Variants in PLA2R1 observed in about 807,000 individuals in gnomAD.
The protein encoded by PLA2R1 is phospholipase A2 receptor 1, also known as secretory phospholipase A2 receptor.
Under a neutral mutation model 195.9 loss-of-function variants are expected in PLA2R1, and 158 were observed. The ratio of observed to expected loss-of-function variants is 0.81; its 90% CI spans 0.71 to 0.92. The LOEUF is 0.92. Among genes scored for constraint, PLA2R1 ranks in the 40% least tolerant of loss-of-function variants. The probability of loss-of-function intolerance (pLI) is 0.00; values close to 1 mark genes in which losing one functional copy is unlikely to be tolerated. For missense variants in PLA2R1, 1,626 were observed against 1,764.6 expected (o/e 0.92, Z 1.41); for synonymous variants, 586 against 598.2 (o/e 0.98, Z 0.30).
rs761366766 is a variant in PLA2R1, at chr2:160,022,875, A to T, written c.1100-16T>A. ...GCATCTTTTTCTTTTTAAACCAACAAAAAACAATGTCATTTTCCACAATTA... is the reference window on the plus strand; with the variant it reads ...GCATCTTTTTCTTTTTAAACCAACATAAAACAATGTCATTTTCCACAATTA... On this transcript the variant is annotated splice_polypyrimidine_tract_variant and intron_variant, in intron 6 of 29. Coordinates refer to ENST00000283243, the MANE Select transcript of PLA2R1 (RefSeq NM_007366.5). 1.3e-6 allele frequency: 2 copies of T among 1,529,724 alleles called. No individual in the cohort carries two copies. Among genetic ancestry groups the T allele is most frequent in the Admixed American group, 3.9e-5 (2 of 51,216 alleles). The allele number at this position is 1,529,724 out of a possible 1,614,324, so 94.8% of individuals were successfully genotyped here.
Position 160,016,125 on chromosome 2 carries a change from G to C in PLA2R1, c.1551+489C>G, listed in dbSNP as rs73004732. 1.7e-4 allele frequency among the ~76,000 whole-genome samples: 26 copies of C among 152,106 alleles called. No homozygotes were observed. In the South Asian group the frequency reaches 3.3e-3, roughly 19 times the overall value. On this transcript the variant is annotated intron_variant, in intron 9 of 29. Coordinates refer to ENST00000283243, the MANE Select transcript of PLA2R1 (RefSeq NM_007366.5). ...CTAAAAATACAAAAATTAGCCAGGC[G>C]TAGTGGCGCACGCCTGTAATCCCAG...
chr2:159,979,794 G>GT (rs769336671), intron 14 of PLA2R1, 36 bp downstream of exon 14: 10 of 1,264,750 alleles, frequency 7.9e-6, no homozygotes, highest in Non-Finnish European at 1.2e-5. Context: ...CACTTGTTTT[G>GT]AATCCATCCC....
chr2:159,969,243 TA>T lies in PLA2R1; in HGVS notation c.2764+12del. The T allele has an allele frequency of 7.2e-7, 1 of 1,387,134 alleles. No individual in the cohort carries two copies. Among genetic ancestry groups the T allele is most frequent in the Non-Finnish European group, 1.0e-6 (1 of 978,266 alleles). The allele number at this position is 1,387,134 out of a possible 1,614,324, so 85.9% of individuals were successfully genotyped here. ...TTTGTATTATAAACCCAAAAATGGG[TA>T]AGTAAAATAACCTGTTATAGAAGAA... On this transcript the variant is annotated intron_variant, in intron 19 of 29. Transcript: ENST00000283243.
chr2:159,942,017 A>G (rs747240564), intron 29 of PLA2R1, 25 bp from the exon 30 acceptor site: 3 of 1,599,096 alleles, frequency 1.9e-6, no homozygotes, highest in South Asian at 1.1e-5. Flanking sequence ...TTTTCTTAAA[A>G]AAAGAAAAAC....
At chr2:159,980,056 TATA>T (rs1689842722) in intron 13 of PLA2R1, 142 bp from the exon 14 acceptor site, 15 of 389,776 alleles carry the variant, frequency 3.8e-5, no homozygotes, top group Non-Finnish European at 6.0e-5. Context: ...AAACTTAAAG[TATA>T]ATAATAATAA....
chr2:159,976,747 A>T, intron 15 of PLA2R1, 27 bp from the exon 16 acceptor site: 1 of 1,595,438 alleles, frequency 6.3e-7, no homozygotes, highest in Non-Finnish European at 8.6e-7. Context: ...AATCACTTTG[A>T]CTGATCTTGC....
chr2:160,038,980 C>A (rs939791356), intron 3 of PLA2R1, among the ~76,000 whole-genome samples: 1 of 152,086 alleles, frequency 6.6e-6, no homozygotes, highest in South Asian at 2.1e-4. Flanking sequence ...GATTCTTCTG[C>A]CTTAGCCTCC....
intron 4 of PLA2R1, among the ~76,000 whole-genome samples, chr2:160,029,771 GA>G (rs1419844989): frequency 5.3e-5 from 8 of 152,094 alleles, no homozygotes; most frequent in Admixed American, 2.6e-4. Context: ...ATTTCGGGGG[GA>G]AAAAAACCAA....
At chr2:159,952,473 G>A (rs1038554687) in intron 23 of PLA2R1, among the ~76,000 whole-genome samples, 10 of 152,158 alleles carry the variant, frequency 6.6e-5, no homozygotes, top group African/African-American at 2.4e-4. Flanking sequence ...CAAAAACAAG[G>A]TAAGAGTTTT....
At position 159,941,846 on chromosome 2, in the gene PLA2R1, T is replaced by C; in HGVS notation, c.4324A>G (p.Thr1442Ala). ...TCTAAATATACTGTACTAAAGTTGG[T>C]TGCAGGATAGTAAGGATTCCGAAAC... ...AGFRNPYYPA[T>A]NFSTVYLEEN... The change falls in exon 30 of 30, where the codon ACC becomes GCC. Residue 1442 changes from threonine to alanine, a missense_variant. Thr to Ala is a moderately conservative substitution (Grantham distance 58). Transcript: ENST00000283243. 2 of 1,613,180 alleles carry C rather than the reference T, an allele frequency of 1.2e-6. No homozygotes were observed. Among genetic ancestry groups the C allele is most frequent in the Non-Finnish European group, 1.7e-6 (2 of 1,179,190 alleles).
chr2:160,040,300 AC>A, intron 3 of PLA2R1, among the ~76,000 whole-genome samples: 1 of 151,214 alleles, frequency 6.6e-6, no homozygotes, highest in East Asian at 1.9e-4. Flanking sequence ...CCTGCACCCC[AC>A]CCCCACATTG....
At chr2:160,047,130 C>G (rs904415059) in intron 1 of PLA2R1, among the ~76,000 whole-genome samples, 1 of 152,130 alleles carries the variant, frequency 6.6e-6, no homozygotes, top group South Asian at 2.1e-4. Context: ...TGTAGACGAC[C>G]TGGCTAGTGG....
chr2:159,987,726 T>G (rs781045472), intron 11 of PLA2R1, among the ~76,000 whole-genome samples: 1 of 152,186 alleles, frequency 6.6e-6, no homozygotes, highest in Non-Finnish European at 1.5e-5. Flanking sequence ...GAAAGGTGCA[T>G]AGTGCTCATC....
Position 160,016,690 on chromosome 2 carries a change from T to C in PLA2R1, c.1475A>G (p.Asn492Ser). 4 of 1,598,580 alleles carry C rather than the reference T, an allele frequency of 2.5e-6. No homozygotes were observed. The highest frequency in any genetic ancestry group is 3.4e-6 in the Non-Finnish European group (4 of 1,165,882). Residue 492 changes from asparagine to serine, a missense_variant, in exon 9 of 30, where the codon AAT (asparagine) becomes AGT (serine). Coordinates refer to ENST00000283243, the MANE Select transcript of PLA2R1 (RefSeq NM_007366.5). The stretch of plus-strand genomic sequence containing the variant: ...AATGTAAAAAAGTCTTTCTTCACAA[T>C]TTTTGACTTTCCAGTGTCCCTCCTA... ...EQSEGHWKVK[N>S]CEERLFYICK...
At chr2:159,955,062 A>G (rs533129797) in intron 23 of PLA2R1, 137 bp downstream of exon 23, 1 of 635,488 alleles carries the variant, frequency 1.6e-6, no homozygotes, top group Admixed American at 3.1e-5. Flanking sequence ...AAACTTATGT[A>G]AAGCCAAAGA....
At chr2:160,056,397 C>G (rs757577521) in intron 1 of PLA2R1, among the ~76,000 whole-genome samples, 3 of 152,152 alleles carry the variant, frequency 2.0e-5, no homozygotes, top group Non-Finnish European at 4.4e-5. Context: ...TCCCTGACCT[C>G]CTCTGCTGTG....
rs189556214 is a variant in PLA2R1 at position 160,016,157 on chromosome 2, G to C, written c.1551+457C>G. Reference sequence around the variant, plus strand: ...CGCACGCCTGTAATCCCAGCTACTCGGGAGGCTGAGGCATGCGAATTGCTT... The same window carrying C: ...CGCACGCCTGTAATCCCAGCTACTCCGGAGGCTGAGGCATGCGAATTGCTT... On this transcript the variant is annotated intron_variant, in intron 9 of 29. Coordinates refer to ENST00000283243, the MANE Select transcript of PLA2R1 (RefSeq NM_007366.5). Among the ~76,000 whole-genome samples, 222 of 152,018 alleles carry C rather than the reference G, an allele frequency of 1.5e-3. 1 individual carries two copies. Among genetic ancestry groups the C allele is most frequent in the African/African-American group, 4.4e-3 (184 of 41,474 alleles).
chr2:159,943,665 G>A (rs760879194), intron 28 of PLA2R1, among the ~76,000 whole-genome samples: 2 of 152,186 alleles, frequency 1.3e-5, no homozygotes, highest in Non-Finnish European at 2.9e-5. Context: ...AAGCTGCTGC[G>A]AAGGATGAAA....
intron 2 of PLA2R1, among the ~76,000 whole-genome samples, chr2:160,042,800 CGTGTGTGTGTGTGTGT>C (rs111414981): frequency 0.1 from 12,518 of 119,658 alleles, 831 homozygotes; most frequent in East Asian, 0.37. Flanking sequence ...TGTGTGTGTG[CGTGTGTGTGTGTGTGT>C]GTGTGTGTGT....
Sources: allele counts gnomAD v4.1 joint callset (sites outside exome capture counted in the v4.1 genomes callset), GRCh38; gene constraint gnomAD v4.1.1; transcripts MANE v1.5; gene names NCBI Gene and HGNC (gene_info 2026-07-23, HGNC 2026-07-21).